The following KDM4C variants were observed in gnomAD, a reference collection of about 807,000 sequenced individuals.
KDM4C encodes lysine demethylase 4C.
KDM4C carries 81 observed loss-of-function variants against 129.3 expected under a neutral mutation model. The ratio of observed to expected loss-of-function variants is 0.63; its 90% CI spans 0.52 to 0.75. KDM4C has a LOEUF of 0.75. Among genes scored for constraint, KDM4C ranks in the 30% least tolerant of loss-of-function variants. The pLI, the probability that KDM4C is intolerant of heterozygous loss-of-function variation, is 0.00. For missense variants in KDM4C, 1,457 were observed against 1,304.0 expected (o/e 1.12, Z -1.81); for synonymous variants, 573 against 456.1 (o/e 1.26, Z -3.26).
chr9:6,973,647 A>T (rs1832392246), intron 8 of KDM4C, among the ~76,000 whole-genome samples: 1 of 152,194 alleles, frequency 6.6e-6, no homozygotes, highest in African/African-American at 2.4e-5. Context: ...CTCAAGTGAG[A>T]GCACCCTTGA....
At chr9:6,922,172 A>T (rs184074590) in intron 8 of KDM4C, among the ~76,000 whole-genome samples, 2 of 152,276 alleles carry the variant, frequency 1.3e-5, no homozygotes, top group Admixed American at 1.3e-4. Flanking sequence ...TAACTTACAC[A>T]GTTTAGCCCA....
In KDM4C at chr9:6,747,332, G is replaced by A. The variant is rs376638813; in HGVS notation, c.49+26335G>A. Among the ~76,000 whole-genome samples the A allele has an allele frequency of 5.1e-4, 77 of 152,022 alleles. No individual in the cohort carries two copies. The East Asian group carries it at 0.012, about 23-fold the overall frequency. The stretch of plus-strand genomic sequence containing the variant: ...GGAGGCCGAGAGGGGCGGATCGCGA[G>A]GTCAGGAGATCGAGACCATCCTGGC... On this transcript the variant is annotated intron_variant, in intron 1 of 17. Coordinates refer to the KDM4C transcript ENST00000536108.
intron 19 of KDM4C, among the ~76,000 whole-genome samples, chr9:7,131,930 C>T (rs966159616): frequency 1.3e-5 from 2 of 152,124 alleles, no homozygotes; most frequent in African/African-American, 4.8e-5. Context: ...TGTTTTTCTT[C>T]TGTTTGTCCA....
chr9:6,812,557 C>G (rs930627653), intron 3 of KDM4C, among the ~76,000 whole-genome samples: 9 of 152,180 alleles, frequency 5.9e-5, no homozygotes, highest in Non-Finnish European at 7.3e-5. Context: ...CTAGACCCCT[C>G]ACATGCACAG....
At chr9:6,925,181 A>G (rs1822251160) in intron 8 of KDM4C, 2 of 985,300 alleles carry the variant, frequency 2.0e-6, no homozygotes, top group Non-Finnish European at 2.4e-6. Context: ...GTGCGTAAAC[A>G]TCCAGGGCTG....
chr9:7,152,902 C>T (rs1159348897), intron 19 of KDM4C, among the ~76,000 whole-genome samples: 1 of 151,982 alleles, frequency 6.6e-6, no homozygotes, highest in Non-Finnish European at 1.5e-5. Flanking sequence ...TGTCCTAATT[C>T]TTAAAGAAAA....
At chr9:6,816,429 G>A (rs1199928832) in intron 4 of KDM4C, among the ~76,000 whole-genome samples, 2 of 150,624 alleles carry the variant, frequency 1.3e-5, no homozygotes, top group Admixed American at 6.6e-5. Flanking sequence ...AAGGTAACTA[G>A]ATCTTCTGAC....
intron 19 of KDM4C, among the ~76,000 whole-genome samples, chr9:7,129,312 TACCTC>T (rs1268105125): frequency 1.3e-5 from 2 of 152,228 alleles, no homozygotes; most frequent in Non-Finnish European, 2.9e-5. Context: ...TTGTTATACT[TACCTC>T]TCTCTATGCT....
At chr9:6,858,150 G>T (rs1205615701) in intron 5 of KDM4C, among the ~76,000 whole-genome samples, 1 of 152,018 alleles carries the variant, frequency 6.6e-6, no homozygotes, top group Non-Finnish European at 1.5e-5. Context: ...TAGATTTAAA[G>T]GAATGAATTG....
intron 4 of KDM4C, among the ~76,000 whole-genome samples, chr9:6,821,937 C>T (rs752548214): frequency 3.0e-4 from 46 of 152,230 alleles, no homozygotes; most frequent in Non-Finnish European, 5.9e-4. Context: ...GCCCGGCTGG[C>T]CCCTCTTTTA....
intron 5 of KDM4C, among the ~76,000 whole-genome samples, chr9:6,872,047 A>C (rs1842885657): frequency 6.6e-6 from 1 of 152,098 alleles, no homozygotes; most frequent in African/African-American, 2.4e-5. Context: ...AAACACGGAG[A>C]GGGGTATTTT....
At chr9:6,991,919 T>G (rs1164464228) in intron 12 of KDM4C, among the ~76,000 whole-genome samples, 2 of 152,186 alleles carry the variant, frequency 1.3e-5, no homozygotes, top group Non-Finnish European at 2.9e-5. Flanking sequence ...TCATAGTAGT[T>G]TGTATGAAAC....
At chr9:6,868,131 C>A (rs549995944) in intron 5 of KDM4C, among the ~76,000 whole-genome samples, 1 of 152,008 alleles carries the variant, frequency 6.6e-6, no homozygotes, top group Middle Eastern at 3.4e-3. Flanking sequence ...CCTGGAGGCA[C>A]CTTGTAGAGC....
At chr9:7,098,521 C>G (rs1393644235) in intron 17 of KDM4C, among the ~76,000 whole-genome samples, 1 of 152,130 alleles carries the variant, frequency 6.6e-6, no homozygotes, top group Non-Finnish European at 1.5e-5. Flanking sequence ...TGACCAGTTG[C>G]CCAAGTAAAC....
intron 17 of KDM4C, among the ~76,000 whole-genome samples, chr9:7,084,516 C>T (rs1834895374): frequency 6.6e-6 from 1 of 152,202 alleles, no homozygotes; most frequent in African/African-American, 2.4e-5. Context: ...ACTTTCAAAG[C>T]ATTGATTATG....
intron 5 of KDM4C, among the ~76,000 whole-genome samples, chr9:6,850,912 G>A (rs1268101240): frequency 2.6e-5 from 4 of 151,222 alleles, no homozygotes; most frequent in South Asian, 2.1e-4. Context: ...GTGCCACCAC[G>A]CCTGGCTAAT....
chr9:7,174,472 G>A, intron 21 of KDM4C, 81 bp from the exon 22 acceptor site: 1 of 1,397,804 alleles, frequency 7.2e-7, no homozygotes, highest in Non-Finnish European at 1.0e-6. Flanking sequence ...CCTAACCCCA[G>A]CTGACCGAGT....
At chr9:6,856,554 G>A (rs1217297960) in intron 5 of KDM4C, among the ~76,000 whole-genome samples, 17 of 146,008 alleles carry the variant, frequency 1.2e-4, no homozygotes, top group African/African-American at 4.2e-4. Context: ...GTGTGTGTGT[G>A]TGTGTGTGTG....
At chr9:6,730,118 GAA>G (rs142942724) in intron 1 of KDM4C, among the ~76,000 whole-genome samples, 2 of 137,286 alleles carry the variant, frequency 1.5e-5, no homozygotes, top group South Asian at 2.4e-4. Flanking sequence ...TTAAAAAAAA[GAA>G]AAAAAAAAAG....
Sources: allele counts gnomAD v4.1 joint callset (sites outside exome capture counted in the v4.1 genomes callset), GRCh38; gene constraint gnomAD v4.1.1; transcripts MANE v1.5; gene names NCBI Gene and HGNC (gene_info 2026-07-23, HGNC 2026-07-21).